Variants in SOAT1 observed in about 807,000 individuals in gnomAD.
The protein encoded by SOAT1 is acyl-coenzyme A:cholesterol acyltransferase 1.
In SOAT1, 55 loss-of-function variants were observed where a neutral mutation model predicts 69.5. The ratio of observed to expected loss-of-function variants is 0.79; its 90% CI spans 0.64 to 0.99. The LOEUF (loss-of-function observed/expected upper bound fraction) is 0.99. Among genes scored for constraint, SOAT1 ranks in the 50% least tolerant of loss-of-function variants. SOAT1 has a pLI of 0.00. For synonymous variants in SOAT1, 231 were observed against 224.7 expected (o/e 1.03, Z -0.25); for missense variants, 580 against 669.3 (o/e 0.87, Z 1.47).
intron 14 of SOAT1, 91 bp from the exon 15 acceptor site, chr1:179,351,226 T>C (rs1666719128): frequency 9.2e-7 from 1 of 1,087,926 alleles, no homozygotes; most frequent in South Asian, 1.4e-5. Flanking sequence ...GTATTTTTAA[T>C]AGAGATGGGG....
chr1:179,338,432 G>A (rs1471992525), intron 5 of SOAT1, among the ~76,000 whole-genome samples: 1 of 152,140 alleles, frequency 6.6e-6, no homozygotes, highest in Non-Finnish European at 1.5e-5. Flanking sequence ...ATAAAAAAAA[G>A]TGTACTTTTC....
In SOAT1 at chr1:179,347,582, T is replaced by C. The variant is rs754684672; in HGVS notation, c.1118-18T>C. 2.0e-6 allele frequency: 3 copies of C among 1,489,082 alleles called. No homozygotes were observed. The highest frequency in any genetic ancestry group is 2.8e-6 in the Non-Finnish European group (3 of 1,068,850). The allele number at this position is 1,489,082 out of a possible 1,614,324, so 92.2% of individuals were successfully genotyped here. A position where few individuals can be genotyped will look rare whatever the true frequency, so the allele number is the denominator to read the frequency against. ...AGCTATTTGGAAAGACTGTTAATAT[T>C]GTTAATCTTATTTTTAGGTGTGCTG... On this transcript the variant is annotated intron_variant, in intron 11 of 15. Transcript: ENST00000367619.
At position 179,335,517 on chromosome 1, in the gene SOAT1, ATTT is replaced by A; in HGVS notation, c.193_195del (p.Phe65del). On this transcript the variant is annotated inframe_deletion, in exon 4 of 16. Transcript: ENST00000367619. ...TTTTAAAATTCTAGGAATTGAAGCC[ATTT>A]TTTATGAAGGAAGTTGGCAGTCACT... 1 of 1,608,904 alleles carries A rather than the reference ATTT, an allele frequency of 6.2e-7. No homozygotes were observed.
chr1:179,336,090 G>T (rs917343551), intron 4 of SOAT1, among the ~76,000 whole-genome samples: 2 of 151,570 alleles, frequency 1.3e-5, no homozygotes, highest in African/African-American at 4.9e-5. Flanking sequence ...CTTGAACCTA[G>T]GAGGCGGGGG....
intron 1 of SOAT1, among the ~76,000 whole-genome samples, chr1:179,301,907 A>T (rs1176072203): frequency 6.6e-6 from 1 of 151,886 alleles, no homozygotes. Context: ...TGAAACCTTT[A>T]CATCTTCTGC....
At chr1:179,348,513 G>C (rs183346997) in intron 12 of SOAT1, among the ~76,000 whole-genome samples, 1 of 152,090 alleles carries the variant, frequency 6.6e-6, no homozygotes, top group African/African-American at 2.4e-5. Flanking sequence ...TAGGGTAAGG[G>C]GGGTGGGGCT....
chr1:179,302,773 C>A lies in SOAT1; in HGVS notation c.89C>A (p.Ala30Glu), dbSNP rs746724685. ...GAAGATGAAGACCAGAGAAACCCTG[C>A]AAAGGAGTCCCTAGAGACACCTAGT... ...PEEDEDQRNP[A>E]KESLETPSNG... is the part of the protein sequence containing the mutation. Residue 30 changes from alanine to glutamate, a missense_variant, in exon 2 of 16, where the codon GCA becomes GAA. By Grantham distance (107) the Ala-to-Glu change is moderately radical. Transcript: ENST00000367619. 1.3e-6 allele frequency: 2 copies of A among 1,598,474 alleles called. No individual in the cohort carries two copies. Among genetic ancestry groups the A allele is most frequent in the Admixed American group, 1.8e-5 (1 of 55,306 alleles).
chr1:179,317,830 G>C (rs1356661930), intron 2 of SOAT1, among the ~76,000 whole-genome samples: 3 of 151,924 alleles, frequency 2.0e-5, no homozygotes, highest in African/African-American at 7.3e-5. Context: ...ATAGAATAAA[G>C]ATATTTAGTA....
intron 3 of SOAT1, among the ~76,000 whole-genome samples, chr1:179,332,239 C>T (rs1022250871): frequency 6.6e-6 from 1 of 152,072 alleles, no homozygotes; most frequent in African/African-American, 2.4e-5. Context: ...GTTTACAAAT[C>T]TTGTGCTTAA....
Position 179,317,641 on chromosome 1 carries a change from G to GTT in SOAT1, c.119-5782_119-5781dup, listed in dbSNP as rs34050254. On this transcript the variant is annotated intron_variant, in intron 2 of 15. Transcript: ENST00000367619. ...CCAAAGTGATAGTTCATCATCATAG[G>GTT]TTTTTTTTTTTTTTTAACGAAGATA... 7.2e-3 allele frequency among the ~76,000 whole-genome samples: 1,030 copies of GTT among 142,852 alleles called. 11 individuals carry two copies. The highest frequency in any genetic ancestry group is 0.022 in the African/African-American group (838 of 38,878). The allele number at this position is 142,852 out of a possible 152,430, so 93.7% of individuals were successfully genotyped here.
intron 14 of SOAT1, among the ~76,000 whole-genome samples, chr1:179,350,634 G>T (rs1338536905): frequency 6.6e-6 from 1 of 152,168 alleles, no homozygotes; most frequent in Non-Finnish European, 1.5e-5. Flanking sequence ...TTGAAGTAGG[G>T]AAATGAACTA....
At chr1:179,343,000 G>A in intron 9 of SOAT1, 57 bp downstream of exon 9, 1 of 1,358,990 alleles carries the variant, frequency 7.4e-7, no homozygotes, top group East Asian at 2.3e-5. Flanking sequence ...CATGAGTGAG[G>A]TGGGATAGGT....
intron 2 of SOAT1, among the ~76,000 whole-genome samples, chr1:179,303,237 A>C (rs1290231527): frequency 2.0e-5 from 3 of 152,222 alleles, no homozygotes; most frequent in African/African-American, 7.2e-5. Flanking sequence ...AGTAATTAGC[A>C]GGGTGCCTAA....
intron 11 of SOAT1, among the ~76,000 whole-genome samples, 172 bp downstream of exon 11, chr1:179,345,248 C>T (rs577665098): frequency 2.1e-4 from 32 of 152,320 alleles, no homozygotes; most frequent in South Asian, 1.7e-3. Flanking sequence ...TTCATCCAGT[C>T]TCAGGTCAGT....
Position 179,309,953 on chromosome 1 carries a change from G to A in SOAT1, c.118+7151G>A, listed in dbSNP as rs1377049731. ...TCTGTTGCCCAGGCTGGAGTGGAGT[G>A]CAATGGCGTGATCTTGGCTCACTGC... On this transcript the variant is annotated intron_variant, in intron 2 of 15. Coordinates refer to ENST00000367619, the MANE Select transcript of SOAT1 (RefSeq NM_003101.6). 2.0e-5 allele frequency among the ~76,000 whole-genome samples: 3 copies of A among 152,012 alleles called. No homozygotes were observed. In the East Asian group the frequency reaches 5.8e-4, roughly 29 times the overall value.
At chr1:179,350,514 A>G in intron 14 of SOAT1, 83 bp downstream of exon 14, 1 of 1,308,932 alleles carries the variant, frequency 7.6e-7, no homozygotes, top group Non-Finnish European at 1.1e-6. Context: ...AAATCAATGT[A>G]GGAGAACTAG....
intron 2 of SOAT1, among the ~76,000 whole-genome samples, chr1:179,318,910 T>C (rs893642391): frequency 6.6e-6 from 1 of 152,246 alleles, no homozygotes; most frequent in Non-Finnish European, 1.5e-5. Flanking sequence ...TGCCCATGAA[T>C]ATTCATATAC....
chr1:179,335,688 A>C, intron 4 of SOAT1, 31 bp downstream of exon 4: 1 of 1,599,424 alleles, frequency 6.3e-7, no homozygotes, highest in Admixed American at 1.7e-5. Context: ...TTTAATGCAA[A>C]CATCTACTCA....
At chr1:179,322,982 G>A (rs1248182019) in intron 2 of SOAT1, among the ~76,000 whole-genome samples, 3 of 150,904 alleles carry the variant, frequency 2.0e-5, no homozygotes, top group Non-Finnish European at 2.9e-5. Context: ...AGGATTTGTC[G>A]AGAATCCTTA....
Sources: allele counts gnomAD v4.1 joint callset (sites outside exome capture counted in the v4.1 genomes callset), GRCh38; gene constraint gnomAD v4.1.1; transcripts MANE v1.5; gene names NCBI Gene and HGNC (gene_info 2026-07-23, HGNC 2026-07-21).